The following PTK2 variants were observed in gnomAD, a reference collection of about 807,000 sequenced individuals.
PTK2 encodes focal adhesion kinase 1.
PTK2 carries 45 observed loss-of-function variants against 150.1 expected under a neutral mutation model. The ratio of observed to expected loss-of-function variants is 0.30; its 90% CI spans 0.24 to 0.38. The LOEUF (loss-of-function observed/expected upper bound fraction) is 0.38, where lower values mean the gene tolerates loss of function less well. Among genes scored for constraint, PTK2 ranks in the 10% least tolerant of loss-of-function variants. The pLI is 1.00. For missense variants in PTK2, 919 were observed against 1,307.3 expected (o/e 0.70, Z 4.58); for synonymous variants, 432 against 449.2 (o/e 0.96, Z 0.48).
intron 22 of PTK2, among the ~76,000 whole-genome samples, chr8:140,720,520 C>T (rs1159412679): frequency 2.0e-5 from 3 of 152,124 alleles, no homozygotes; most frequent in Non-Finnish European, 4.4e-5. Context: ...GGTTAGATGA[C>T]CATGGACAAC....
intron 12 of PTK2, among the ~76,000 whole-genome samples, chr8:140,795,123 T>G (rs897820085): frequency 2.0e-5 from 3 of 152,236 alleles, no homozygotes; most frequent in Admixed American, 6.5e-5. Flanking sequence ...ATCACTTGCC[T>G]ACATCATGGT....
chr8:140,801,703 C>T (rs749117875), intron 11 of PTK2, among the ~76,000 whole-genome samples: 3 of 152,108 alleles, frequency 2.0e-5, no homozygotes, highest in Non-Finnish European at 4.4e-5. Context: ...ATAATAATAA[C>T]TATTATAATC....
intron 1 of PTK2, among the ~76,000 whole-genome samples, chr8:140,996,383 G>C (rs922851037): frequency 6.6e-6 from 1 of 152,212 alleles, no homozygotes; most frequent in Non-Finnish European, 1.5e-5. Flanking sequence ...TTATCGAGAA[G>C]ATCTAGCTAA....
chr8:140,804,465 G>A (rs1204815385), intron 10 of PTK2, among the ~76,000 whole-genome samples: 1 of 151,814 alleles, frequency 6.6e-6, no homozygotes, highest in Non-Finnish European at 1.5e-5. Context: ...GTCTGTGCCT[G>A]TAGACCCAGC....
intron 27 of PTK2, among the ~76,000 whole-genome samples, chr8:140,680,097 G>A (rs146609888): frequency 1.3e-3 from 196 of 152,270 alleles, no homozygotes; most frequent in African/African-American, 4.5e-3. Flanking sequence ...TGTCAAGAGT[G>A]ATGCGACACA....
chr8:140,902,952 T>G (rs1180768441), intron 2 of PTK2, among the ~76,000 whole-genome samples: 3 of 135,084 alleles, frequency 2.2e-5, no homozygotes, highest in East Asian at 4.1e-4. Flanking sequence ...TTTTTTTTTT[T>G]TTTTTTTGCC....
At chr8:140,890,736 A>G in exon 3 of PTK2, 2 of 1,614,162 alleles carry the variant, frequency 1.2e-6, no homozygotes, top group East Asian at 2.2e-5. Flanking sequence ...AGCAGCTGCC[A>G]TTATTTTGCT....
intron 14 of PTK2, 38 bp downstream of exon 16, chr8:140,769,537 T>C (rs777109687): frequency 7.8e-7 from 1 of 1,284,174 alleles, no homozygotes; most frequent in Non-Finnish European, 1.0e-6. Context: ...TAAATAATTA[T>C]CTCATAGCAG....
chr8:140,672,069 T>C (rs934565366), intron 29 of PTK2: 4 of 412,264 alleles, frequency 9.7e-6, no homozygotes, highest in Admixed American at 8.9e-5. Context: ...TGTTTCATAA[T>C]GATGTCAGAA....
At position 140,831,171 on chromosome 8, in the gene PTK2, T is replaced by C. The variant is rs116908010; in HGVS notation, c.594-645A>G. ...CAGGCAACAAAATTAAATTGATCAT[T>C]ATTATCAAGAACCTCAACGCTCTGG... On this transcript the variant is annotated intron_variant, in intron 7 of 31. Coordinates refer to ENST00000522684, the Ensembl canonical transcript of PTK2. Among the ~76,000 whole-genome samples, 985 of 152,322 alleles carry C rather than the reference T, an allele frequency of 6.5e-3. 9 individuals carry two copies. The highest frequency in any genetic ancestry group is 0.01 in the Non-Finnish European group (708 of 68,016).
At chr8:140,808,437 T>A (rs1338755664) in intron 10 of PTK2, among the ~76,000 whole-genome samples, 1 of 152,184 alleles carries the variant, frequency 6.6e-6, no homozygotes, top group African/African-American at 2.4e-5. Context: ...ATATAACTAA[T>A]ACCTCTTATT....
intron 1 of PTK2, among the ~76,000 whole-genome samples, chr8:140,966,716 T>C (rs1408042596): frequency 6.6e-6 from 1 of 152,232 alleles, no homozygotes; most frequent in Non-Finnish European, 1.5e-5. Flanking sequence ...ATGATATACA[T>C]GTTTATCTCC....
intron 14 of PTK2, among the ~76,000 whole-genome samples, chr8:140,775,502 A>G (rs980445561): frequency 6.6e-6 from 1 of 151,832 alleles, no homozygotes; most frequent in South Asian, 2.1e-4. Flanking sequence ...AACAAAAACA[A>G]AAAGTGGGGT....
At chr8:140,873,977 G>A (rs1423748286) in intron 4 of PTK2, among the ~76,000 whole-genome samples, 2 of 152,222 alleles carry the variant, frequency 1.3e-5, no homozygotes, top group Admixed American at 1.3e-4. Flanking sequence ...CCCAGGGCCA[G>A]AGATACATTC....
intron 1 of PTK2, among the ~76,000 whole-genome samples, chr8:140,955,199 A>C (rs1195095589): frequency 6.6e-6 from 1 of 152,200 alleles, no homozygotes; most frequent in Non-Finnish European, 1.5e-5. Context: ...TCAAATCTTG[A>C]ATTGTAGCTC....
intron 26 of PTK2, among the ~76,000 whole-genome samples, chr8:140,699,460 C>T (rs2100028905): frequency 6.6e-6 from 1 of 152,174 alleles, no homozygotes; most frequent in African/African-American, 2.4e-5. Context: ...TCTGTCCCAC[C>T]ACTTCCTCTC....
chr8:140,990,580 T>G (rs1003256821), intron 1 of PTK2, among the ~76,000 whole-genome samples: 3 of 152,188 alleles, frequency 2.0e-5, no homozygotes, highest in African/African-American at 7.2e-5. Context: ...CAGGTCGATT[T>G]TCCCACCATC....
chr8:140,935,824 C>T (rs571609501), intron 1 of PTK2, among the ~76,000 whole-genome samples: 1 of 151,708 alleles, frequency 6.6e-6, no homozygotes, highest in East Asian at 2.0e-4. Context: ...GCATCCGCCA[C>T]CACACCTGGC....
At position 140,874,830 on chromosome 8, in the gene PTK2, T is replaced by G. The variant is rs142988976; in HGVS notation, c.362+4641A>C. ...TAGCTGAAAACAAGTTTCTAAACCA[T>G]CAAATTACTTTGCTTCTGGGCTTCT... On this transcript the variant is annotated intron_variant, in intron 4 of 31. Coordinates refer to ENST00000522684, the Ensembl canonical transcript of PTK2. Among the ~76,000 whole-genome samples the G allele has an allele frequency of 6.6e-3, 1,001 of 152,310 alleles. 7 individuals are homozygous for G. The highest frequency in any genetic ancestry group is 0.02 in the South Asian group (98 of 4,830).
Sources: allele counts gnomAD v4.1 joint callset (sites outside exome capture counted in the v4.1 genomes callset), GRCh38; gene constraint gnomAD v4.1.1; transcripts MANE v1.5; gene names NCBI Gene and HGNC (gene_info 2026-07-23, HGNC 2026-07-21).